GRID2: variants seen among roughly 807,000 people sequenced by gnomAD.
GRID2 encodes the protein glutamate ionotropic receptor delta type subunit 2, also known as glutamate receptor ionotropic, delta-2.
GRID2 carries 33 observed loss-of-function variants against 114.8 expected under a neutral mutation model. That is an observed-to-expected ratio of 0.29 (90% confidence interval 0.22 to 0.38). GRID2 has a LOEUF of 0.38. Among genes scored for constraint, GRID2 ranks in the 10% least tolerant of loss-of-function variants. The probability of loss-of-function intolerance (pLI) is 1.00; values close to 1 mark genes in which losing one functional copy is unlikely to be tolerated. For synonymous variants in GRID2, 505 were observed against 449.9 expected, an observed-to-expected ratio of 1.12 and a Z score of -1.55; for missense variants, 1,184 against 1,257.7, an observed-to-expected ratio of 0.94 and a Z score of 0.89.
intron 14 of GRID2, among the ~76,000 whole-genome samples, chr4:93,632,248 T>C (rs1720976886): frequency 6.6e-6 from 1 of 152,210 alleles, no homozygotes; most frequent in South Asian, 2.1e-4. Context: ...GTTTTGGCTT[T>C]TGTTGCCATT....
At chr4:92,534,096 G>A (rs1249131136) in intron 1 of GRID2, among the ~76,000 whole-genome samples, 2 of 151,972 alleles carry the variant, frequency 1.3e-5, no homozygotes, top group Admixed American at 6.6e-5. Context: ...AAATCTTTTT[G>A]AAGTAACTCT....
intron 2 of GRID2, among the ~76,000 whole-genome samples, chr4:93,021,660 T>C (rs1175902035): frequency 2.1e-5 from 3 of 145,198 alleles, no homozygotes; most frequent in Non-Finnish European, 4.5e-5. Context: ...TTATTTATAA[T>C]ATGTATACTA....
intron 2 of GRID2, among the ~76,000 whole-genome samples, chr4:92,908,955 T>C (rs967597451): frequency 2.0e-5 from 3 of 152,186 alleles, no homozygotes; most frequent in Non-Finnish European, 4.4e-5. Flanking sequence ...ATGAAAGTGA[T>C]ATGAGAAATA....
At chr4:93,514,528 T>C (rs1729512704) in intron 12 of GRID2, among the ~76,000 whole-genome samples, 1 of 151,840 alleles carries the variant, frequency 6.6e-6, no homozygotes, top group Non-Finnish European at 1.5e-5. Flanking sequence ...GGAAATACTA[T>C]GGTCTTTGAG....
intron 3 of GRID2, among the ~76,000 whole-genome samples, chr4:93,100,837 C>T (rs577937801): frequency 3.7e-4 from 57 of 152,050 alleles, no homozygotes; most frequent in Non-Finnish European, 7.7e-4. Flanking sequence ...CTATTGAATT[C>T]AATATTTTAA....
intron 2 of GRID2, among the ~76,000 whole-genome samples, chr4:92,646,546 GC>G (rs1731637340): frequency 6.6e-6 from 1 of 151,846 alleles, no homozygotes; most frequent in Non-Finnish European, 1.5e-5. Context: ...TATAGTTTTA[GC>G]TTTTATAGCC....
intron 1 of GRID2, among the ~76,000 whole-genome samples, chr4:92,438,616 A>G (rs1317515936): frequency 6.6e-6 from 1 of 150,842 alleles, no homozygotes; most frequent in African/African-American, 2.5e-5. Context: ...GTGTTTCTAT[A>G]CTAGTATTTT....
intron 2 of GRID2, among the ~76,000 whole-genome samples, chr4:92,820,231 T>G (rs1458738829): frequency 6.6e-6 from 1 of 152,180 alleles, no homozygotes; most frequent in African/African-American, 2.4e-5. Context: ...ATGTAATGCT[T>G]CTTTTATGAC....
At chr4:93,391,234 T>C (rs1382100847) in intron 8 of GRID2, among the ~76,000 whole-genome samples, 1 of 152,196 alleles carries the variant, frequency 6.6e-6, no homozygotes, top group Non-Finnish European at 1.5e-5. Context: ...CATTCACATG[T>C]CAAAGTGGAA....
intron 2 of GRID2, among the ~76,000 whole-genome samples, chr4:92,916,536 G>A (rs537025750): frequency 1.3e-5 from 2 of 151,348 alleles, no homozygotes; most frequent in South Asian, 2.1e-4. Flanking sequence ...ACAGGCCCTC[G>A]TGTGTGATGT....
intron 4 of GRID2, among the ~76,000 whole-genome samples, chr4:93,197,621 A>C (rs2149455471): frequency 6.6e-6 from 1 of 152,282 alleles, no homozygotes. Flanking sequence ...GTATTACAGT[A>C]ACTTGAGTGA....
intron 13 of GRID2, among the ~76,000 whole-genome samples, chr4:93,526,475 C>CTAA (rs1730912588): frequency 6.6e-6 from 1 of 152,146 alleles, no homozygotes; most frequent in African/African-American, 2.4e-5. Flanking sequence ...TCAGAGTTTA[C>CTAA]CTCCATTAAT....
chr4:92,478,724 G>T (rs1722437139), intron 1 of GRID2, among the ~76,000 whole-genome samples: 1 of 152,074 alleles, frequency 6.6e-6, no homozygotes, highest in Non-Finnish European at 1.5e-5. Context: ...AAATATATCT[G>T]ACTTCTTTTT....
rs73837328 is a variant in GRID2 at position 92,720,642 on chromosome 4, C to T, written c.244+130356C>T. Among the ~76,000 whole-genome samples the T allele has an allele frequency of 5.9e-3, 897 of 152,074 alleles. 7 individuals carry two copies. Among genetic ancestry groups the T allele is most frequent in the African/African-American group, 0.021 (851 of 41,508 alleles). On this transcript the variant is annotated intron_variant, in intron 2 of 15. Transcript: ENST00000282020. ...TTGTGTATCTTTAAATATGCAGAAA[C>T]ATTACAATTTAGGATCAATATAAAA...
rs574552355 is a variant in GRID2 at position 93,697,865 on chromosome 4, G to GTATATATATATATATATATATATATATA, written c.2361-71344_2361-71343insATATATATATATATATATATATATATAT. 3.1e-3 allele frequency among the ~76,000 whole-genome samples: 231 copies of GTATATATATATATATATATATATATATA among 74,804 alleles called. 6 individuals carry two copies. The highest frequency in any genetic ancestry group is 7.9e-3 in the African/African-American group (218 of 27,638). The allele number at this position is 74,804 out of a possible 152,430, so 49.1% of individuals were successfully genotyped here. A position where few individuals can be genotyped will look rare whatever the true frequency, so the allele number is the denominator to read the frequency against. On this transcript the variant is annotated intron_variant, in intron 14 of 15. Coordinates refer to ENST00000282020, the MANE Select transcript of GRID2 (RefSeq NM_001510.4). ...TGGCTCAATTTAGTCATTCCACAAT[G>GTATATATATATATATATATATATATATA]TGTGTATATATATATTTCAAAACAA...
rs571561357 is a variant in GRID2, at chr4:92,613,738, A to G, written c.244+23452A>G. ...TGGTAGAGAGGTTCTCTTTCATTCC[A>G]GATTTTGGCAATCTGTACCTTCTTT... On this transcript the variant is annotated intron_variant, in intron 2 of 15. Transcript: ENST00000282020. Among the ~76,000 whole-genome samples, 107 of 151,504 alleles carry G rather than the reference A, an allele frequency of 7.1e-4. 5 individuals are homozygous for G. The South Asian group carries it at 0.022, about 31-fold the overall frequency.
In GRID2 at chr4:92,421,981, A is replaced by C. The variant is rs139270428; in HGVS notation, c.88+117237A>C. On this transcript the variant is annotated intron_variant, in intron 1 of 15. Transcript: ENST00000282020. The stretch of plus-strand genomic sequence containing the variant: ...ATAAATATTTTATTTAATGTCAAGC[A>C]GTGGAAGTTCAGGAAAAATAATTAA... Among the ~76,000 whole-genome samples, 126 of 152,220 alleles carry C rather than the reference A, an allele frequency of 8.3e-4. 1 individual carries two copies. Among genetic ancestry groups the C allele is most frequent in the Non-Finnish European group, 1.0e-3 (71 of 67,998 alleles).
At chr4:93,227,706 C>T (rs1216767489) in intron 7 of GRID2, among the ~76,000 whole-genome samples, 1 of 151,990 alleles carries the variant, frequency 6.6e-6, no homozygotes, top group East Asian at 1.9e-4. Context: ...TTAGAAATTT[C>T]TTCAACCAGA....
At chr4:93,432,143 G>A (rs1392235687) in intron 10 of GRID2, among the ~76,000 whole-genome samples, 8 of 152,168 alleles carry the variant, frequency 5.3e-5, no homozygotes, top group Non-Finnish European at 1.0e-4. Context: ...AATCAGAACA[G>A]ATAAAAGAAT....
Sources: gnomAD v4.1 joint callset for allele counts (sites outside exome capture counted in the v4.1 genomes callset) on GRCh38, gnomAD v4.1.1 for gene constraint, MANE v1.5 for transcripts, NCBI Gene and HGNC (gene_info 2026-07-23, HGNC 2026-07-21) for gene names.